ULK4: variants seen among roughly 807,000 people sequenced by gnomAD.
ULK4 encodes unc-51 like kinase 4.
A neutral mutation model predicts 160.6 loss-of-function variants in ULK4; 133 were observed. The observed-to-expected ratio is 0.83, with a 90% CI of 0.72 to 0.96. The LOEUF (loss-of-function observed/expected upper bound fraction) is 0.96, where lower values mean the gene tolerates loss of function less well. Among genes scored for constraint, ULK4 ranks in the 40% least tolerant of loss-of-function variants. ULK4 has a pLI of 0.00. For missense variants in ULK4, 1,580 were observed against 1,499.5 expected (o/e 1.05, Z -0.89); for synonymous variants, 534 against 539.8 (o/e 0.99, Z 0.15).
chr3:41,351,724 T>C (rs953963167), intron 35 of ULK4, among the ~76,000 whole-genome samples: 1 of 152,190 alleles, frequency 6.6e-6, no homozygotes. Flanking sequence ...AAGATCCATA[T>C]GCCTGGTGAG....
intron 35 of ULK4, among the ~76,000 whole-genome samples, chr3:41,371,703 A>G (rs2081371151): frequency 6.6e-6 from 1 of 152,178 alleles, no homozygotes; most frequent in South Asian, 2.1e-4. Flanking sequence ...ATCAGCGCAA[A>G]AAGGATGAAA....
chr3:41,541,388 T>A, intron 32 of ULK4, among the ~76,000 whole-genome samples: 1 of 152,316 alleles, frequency 6.6e-6, no homozygotes, highest in Middle Eastern at 3.4e-3. Context: ...TTGGTCTATA[T>A]ACCTGTTTTG....
At chr3:41,349,334 G>GA (rs1368798837) in intron 35 of ULK4, among the ~76,000 whole-genome samples, 1 of 152,084 alleles carries the variant, frequency 6.6e-6, no homozygotes, top group African/African-American at 2.4e-5. Flanking sequence ...AGCATTTCCT[G>GA]AATAACATAT....
intron 35 of ULK4, among the ~76,000 whole-genome samples, chr3:41,252,139 A>C (rs772870399): frequency 3.9e-5 from 6 of 152,240 alleles, no homozygotes; most frequent in Non-Finnish European, 8.8e-5. Flanking sequence ...CCTAATCAGC[A>C]TGATTGCTTG....
chr3:41,807,729 A>G (rs1210132195), intron 19 of ULK4, among the ~76,000 whole-genome samples: 2 of 152,152 alleles, frequency 1.3e-5, no homozygotes, highest in Non-Finnish European at 2.9e-5. Context: ...AGAAATCTTA[A>G]ATATCCTTCA....
intron 19 of ULK4, among the ~76,000 whole-genome samples, chr3:41,814,727 G>T (rs979034792): frequency 6.6e-6 from 1 of 151,828 alleles, no homozygotes; most frequent in African/African-American, 2.4e-5. Context: ...ATCATATTGT[G>T]ACCTTAAAAA....
chr3:41,316,003 A>G (rs1249259964), intron 35 of ULK4, among the ~76,000 whole-genome samples: 1 of 152,234 alleles, frequency 6.6e-6, no homozygotes, highest in Non-Finnish European at 1.5e-5. Context: ...ATGATTAAAT[A>G]TAGTTACCAA....
At chr3:41,299,443 C>A (rs184064918) in intron 35 of ULK4, among the ~76,000 whole-genome samples, 97 of 152,324 alleles carry the variant, frequency 6.4e-4, no homozygotes, top group African/African-American at 2.0e-3. Context: ...CCAAATCTCA[C>A]ACTTTACCCC....
At chr3:41,670,023 T>TA (rs932365399) in intron 29 of ULK4, among the ~76,000 whole-genome samples, 3 of 152,214 alleles carry the variant, frequency 2.0e-5, no homozygotes, top group African/African-American at 7.2e-5. Flanking sequence ...TAAATACTGT[T>TA]AATGTGTTCT....
intron 32 of ULK4, among the ~76,000 whole-genome samples, chr3:41,540,575 A>G (rs2086662676): frequency 6.6e-6 from 1 of 152,174 alleles, no homozygotes; most frequent in South Asian, 2.1e-4. Context: ...GCTGGGTCAA[A>G]TGGTATTTCT....
chr3:41,706,827 CAAAAAAAAAAA>C (rs1156423434), intron 25 of ULK4, among the ~76,000 whole-genome samples: 36 of 58,234 alleles, frequency 6.2e-4, no homozygotes, highest in African/African-American at 1.4e-3. Context: ...GACTCTGTCT[CAAAAAAAAAAA>C]AAAAAAAAAT....
chr3:41,271,190 C>T (rs1259171654), intron 35 of ULK4, among the ~76,000 whole-genome samples: 1 of 152,094 alleles, frequency 6.6e-6, no homozygotes, highest in Non-Finnish European at 1.5e-5. Flanking sequence ...TCCTCATGCC[C>T]GTTTGTAATC....
chr3:41,721,060 C>T (rs2037436631), intron 22 of ULK4, among the ~76,000 whole-genome samples: 1 of 151,570 alleles, frequency 6.6e-6, no homozygotes, highest in Admixed American at 6.6e-5. Context: ...GAAAAAGCTA[C>T]AAGATATGTT....
chr3:41,398,398 T>C (rs2082110846), intron 34 of ULK4, 134 bp from the exon 35 acceptor site: 2 of 876,036 alleles, frequency 2.3e-6, no homozygotes, highest in African/African-American at 3.4e-5. Context: ...CTTTTTTTTT[T>C]TTTGAGACAG....
chr3:41,309,898 G>GAA (rs35153974), intron 35 of ULK4, among the ~76,000 whole-genome samples: 16 of 144,518 alleles, frequency 1.1e-4, no homozygotes, highest in African/African-American at 3.7e-4. Context: ...GCCTTTTAGG[G>GAA]AAAAAAAAAA....
chr3:41,818,410 G>A lies in ULK4; in HGVS notation c.1848+1013C>T, dbSNP rs963862165. On this transcript the variant is annotated intron_variant, in intron 19 of 36. Transcript: ENST00000301831. ...CCCACAATAGGTGAGGTCTGTGTGTGAATAGGAATTTTTTCATCTGTGTGC... is the reference window on the plus strand; with the variant it reads ...CCCACAATAGGTGAGGTCTGTGTGTAAATAGGAATTTTTTCATCTGTGTGC... Among the ~76,000 whole-genome samples, 8 of 152,326 alleles carry A rather than the reference G, an allele frequency of 5.3e-5. No individual in the cohort carries two copies. The East Asian group carries it at 9.6e-4, about 18-fold the overall frequency.
chr3:41,907,725 C>T (rs1698622010), intron 12 of ULK4, 120 bp downstream of exon 12: 3 of 550,766 alleles, frequency 5.4e-6, no homozygotes, highest in Non-Finnish European at 8.8e-6. Flanking sequence ...CTATAATGAT[C>T]AGCAAAGATG....
intron 27 of ULK4, among the ~76,000 whole-genome samples, chr3:41,697,284 A>G (rs1253909557): frequency 6.6e-6 from 1 of 152,306 alleles, no homozygotes; most frequent in East Asian, 1.9e-4. Context: ...CCTTAAGATT[A>G]TGATGGAGCT....
intron 25 of ULK4, among the ~76,000 whole-genome samples, chr3:41,712,240 C>A (rs1326757202): frequency 6.6e-6 from 1 of 152,148 alleles, no homozygotes; most frequent in Non-Finnish European, 1.5e-5. Flanking sequence ...TGCCCTAGTG[C>A]CATTATAAAA....
Sources: allele counts gnomAD v4.1 joint callset (sites outside exome capture counted in the v4.1 genomes callset), GRCh38; gene constraint gnomAD v4.1.1; transcripts MANE v1.5; gene names NCBI Gene and HGNC (gene_info 2026-07-23, HGNC 2026-07-21).